Variants in SENP5 observed in about 807,000 individuals in gnomAD.
SENP5 encodes sentrin-specific protease 5.
SENP5 carries 21 observed loss-of-function variants against 74.2 expected under a neutral mutation model. The observed-to-expected ratio is 0.28, with a 90% CI of 0.20 to 0.41. The LOEUF is 0.41. Ranked by LOEUF, SENP5 falls within the 10% of genes least tolerant of loss-of-function variation. SENP5 has a pLI of 1.00. For missense variants in SENP5, 717 were observed against 889.1 expected (o/e 0.81, Z 2.46); for synonymous variants, 311 against 312.7 (o/e 0.99, Z 0.06).
intron 1 of SENP5, among the ~76,000 whole-genome samples, chr3:196,876,374 A>C (rs1356385137): frequency 1.3e-5 from 2 of 152,180 alleles, no homozygotes; most frequent in East Asian, 3.9e-4. Flanking sequence ...ATACAAAAAA[A>C]ATTAGCCGGG....
intron 6 of SENP5, among the ~76,000 whole-genome samples, chr3:196,912,442 G>A (rs936463211): frequency 1.3e-5 from 2 of 152,078 alleles, no homozygotes; most frequent in African/African-American, 4.8e-5. Flanking sequence ...GCAAAGAGAG[G>A]GAGAGCATTA....
Position 196,902,575 on chromosome 3 carries a change from G to T in SENP5, c.1807-958G>T, listed in dbSNP as rs544486050. Among the ~76,000 whole-genome samples the T allele has an allele frequency of 7.1e-4, 108 of 152,306 alleles. No homozygotes were observed. The Middle Eastern group carries it at 0.01, about 14-fold the overall frequency. On this transcript the variant is annotated intron_variant, in intron 5 of 9. Coordinates refer to ENST00000323460, the MANE Select transcript of SENP5 (RefSeq NM_152699.5). ...GTCTGGGATGAGGCCTGATAATTTG[G>T]ATTTCTAACAAGTTCCTAGATGATG...
chr3:196,918,170 G>A (rs537127791), intron 6 of SENP5, among the ~76,000 whole-genome samples: 6 of 151,964 alleles, frequency 3.9e-5, no homozygotes, highest in South Asian at 4.2e-4. Context: ...AGCCGGGCGC[G>A]GTGGCGGGCG....
At chr3:196,871,284 A>T (rs936831733) in intron 1 of SENP5, among the ~76,000 whole-genome samples, 2 of 152,120 alleles carry the variant, frequency 1.3e-5, no homozygotes, top group Non-Finnish European at 2.9e-5. Context: ...CTAAAATTTT[A>T]TTTTTGTGTC....
rs141229788 is a variant in SENP5, at chr3:196,926,725, G to A, written c.2023-1071G>A. 3.1e-3 allele frequency among the ~76,000 whole-genome samples: 450 copies of A among 143,164 alleles called. 2 individuals carry two copies. The highest frequency in any genetic ancestry group is 5.0e-3 in the Non-Finnish European group (335 of 66,532). The allele number at this position is 143,164 out of a possible 152,430, so 93.9% of individuals were successfully genotyped here. ...CCAGTCTTGGCTCATGGCAACCTCC[G>A]CCTCCTGGGTTCAAGCGATTCTCAT... On this transcript the variant is annotated intron_variant, in intron 7 of 9. Coordinates refer to ENST00000323460, the MANE Select transcript of SENP5 (RefSeq NM_152699.5).
At chr3:196,920,479 G>A (rs187172616) in intron 6 of SENP5, among the ~76,000 whole-genome samples, 123 of 152,256 alleles carry the variant, frequency 8.1e-4, no homozygotes, top group African/African-American at 2.9e-3. Context: ...CTTATAAGTA[G>A]TGACAGTTTT....
chr3:196,918,892 G>A (rs1206507776), intron 6 of SENP5, among the ~76,000 whole-genome samples: 1 of 151,976 alleles, frequency 6.6e-6, no homozygotes, highest in Non-Finnish European at 1.5e-5. Flanking sequence ...AGGTAAAATA[G>A]GTATTAAGAT....
chr3:196,885,906 G>T lies in SENP5; in HGVS notation c.725G>T (p.Arg242Leu). ...MYEKLSMIRF[R>L]YRILRSQHFR... Reference sequence around the variant, plus strand: ...GAGAAATTATCCATGATTAGATTTCGGTACAGGATTCTCAGATCCCAGCAC... The same window carrying T: ...GAGAAATTATCCATGATTAGATTTCTGTACAGGATTCTCAGATCCCAGCAC... Residue 242 changes from arginine (R) to leucine (L), a missense_variant, in exon 2 of 10, where the codon CGG becomes CTG. Transcript: ENST00000323460. 1 of 1,613,692 alleles carries T rather than the reference G, an allele frequency of 6.2e-7. No homozygotes were observed.
chr3:196,876,245 T>G (rs992262590), intron 1 of SENP5, among the ~76,000 whole-genome samples: 1 of 152,052 alleles, frequency 6.6e-6, no homozygotes, highest in African/African-American at 2.4e-5. Flanking sequence ...TCAGACAGCT[T>G]AAGAAGTATT....
intron 5 of SENP5, among the ~76,000 whole-genome samples, chr3:196,902,885 G>A (rs1219242859): frequency 2.0e-5 from 3 of 152,140 alleles, no homozygotes; most frequent in South Asian, 4.2e-4. Flanking sequence ...TTCACATGGA[G>A]TTAGTTTTGT....
At chr3:196,928,174 A>AC (rs1348386369) in intron 8 of SENP5, among the ~76,000 whole-genome samples, 24 of 152,336 alleles carry the variant, frequency 1.6e-4, no homozygotes. Context: ...TGCCTCTTGC[A>AC]TCATGGCTCT....
intron 1 of SENP5, among the ~76,000 whole-genome samples, chr3:196,874,193 G>C (rs4916571): frequency 9.9e-6 from 1 of 101,212 alleles, no homozygotes; most frequent in Admixed American, 1.1e-4. Context: ...TCTTAATGAA[G>C]TTTTAAGAGG....
At chr3:196,900,299 T>C (rs1714643885) in intron 4 of SENP5, 66 bp from the exon 5 acceptor site, 1 of 1,446,472 alleles carries the variant, frequency 6.9e-7, no homozygotes, top group Non-Finnish European at 9.5e-7. Flanking sequence ...ATTTATTTAT[T>C]TTGTTTTTCT....
At chr3:196,902,709 C>T (rs190085843) in intron 5 of SENP5, among the ~76,000 whole-genome samples, 1 of 152,330 alleles carries the variant, frequency 6.6e-6, no homozygotes, top group African/African-American at 2.4e-5. Context: ...TATGTTTACC[C>T]TCTAAGATGA....
chr3:196,869,292 C>T (rs1282857270), intron 1 of SENP5, among the ~76,000 whole-genome samples: 1 of 151,954 alleles, frequency 6.6e-6, no homozygotes, highest in Non-Finnish European at 1.5e-5. Context: ...CAACCTCCTC[C>T]TCCCAGGTTC....
intron 2 of SENP5, among the ~76,000 whole-genome samples, chr3:196,890,609 G>A (rs549769826): frequency 2.6e-5 from 4 of 152,326 alleles, no homozygotes; most frequent in South Asian, 2.1e-4. Flanking sequence ...ATTTGAGGGC[G>A]TGCGTGAAAG....
chr3:196,875,674 C>T (rs924489758), intron 1 of SENP5, among the ~76,000 whole-genome samples: 1 of 152,032 alleles, frequency 6.6e-6, no homozygotes, highest in Non-Finnish European at 1.5e-5. Flanking sequence ...TGTTTCCTGA[C>T]CCTTTTGCCA....
intron 2 of SENP5, among the ~76,000 whole-genome samples, chr3:196,894,116 GTTTTTTT>G (rs34480422): frequency 3.2e-5 from 3 of 93,188 alleles, no homozygotes; most frequent in Non-Finnish European, 6.2e-5. Context: ...TATTAATGTG[GTTTTTTT>G]TTTTTTTTTT....
At chr3:196,872,633 T>C (rs1713265956) in intron 1 of SENP5, among the ~76,000 whole-genome samples, 1 of 152,202 alleles carries the variant, frequency 6.6e-6, no homozygotes, top group African/African-American at 2.4e-5. Context: ...GTGTGGTTAG[T>C]GGCTACCATA....
Sources: allele counts gnomAD v4.1 joint callset (sites outside exome capture counted in the v4.1 genomes callset), GRCh38; gene constraint gnomAD v4.1.1; transcripts MANE v1.5; gene names NCBI Gene and HGNC (gene_info 2026-07-23, HGNC 2026-07-21).